The following MON1A variants were observed in gnomAD, a reference collection of about 807,000 sequenced individuals.
MON1A encodes the protein MON1 vesicular trafficking associated A, also known as vacuolar fusion protein MON1 homolog A.
MON1A carries 29 observed loss-of-function variants against 44.6 expected under a neutral mutation model. The observed-to-expected ratio is 0.65, with a 90% CI of 0.48 to 0.89. MON1A has a LOEUF of 0.89. Among genes scored for constraint, MON1A ranks in the 40% least tolerant of loss-of-function variants. The probability of loss-of-function intolerance (pLI) is 0.00; values close to 1 mark genes in which losing one functional copy is unlikely to be tolerated. For missense variants in MON1A, 615 were observed against 759.6 expected, an observed-to-expected ratio of 0.81 and a Z score of 2.24; for synonymous variants, 275 against 316.4, an observed-to-expected ratio of 0.87 and a Z score of 1.39.
chr3:49,916,198 T>G (rs2082941656), intron 1 of MON1A, among the ~76,000 whole-genome samples: 2 of 152,158 alleles, frequency 1.3e-5, no homozygotes, highest in African/African-American at 4.8e-5. Flanking sequence ...GACTCTTCCC[T>G]GGAAGCATGG....
chr3:49,916,594 AAAG>A (rs1225966510), intron 1 of MON1A: 3 of 152,372 alleles, frequency 2.0e-5, no homozygotes, highest in Non-Finnish European at 4.4e-5. Flanking sequence ...AAAACCAAAG[AAAG>A]AAGGTTGGGG....
rs1205307489 is a variant in MON1A, at chr3:49,913,375, A to G, written c.-13-16T>C. 1 of 1,598,996 alleles carries G rather than the reference A, an allele frequency of 6.3e-7. No homozygotes were observed. Among genetic ancestry groups the G allele is most frequent in the South Asian group, 1.1e-5 (1 of 90,336 alleles). Reference sequence around the variant, plus strand: ...TTGAGCTCTCCTGTGGGGCAAACAAATGCAACATCGATGGCTTTTGGCAGG... The same window carrying G: ...TTGAGCTCTCCTGTGGGGCAAACAAGTGCAACATCGATGGCTTTTGGCAGG... On this transcript the variant is annotated splice_polypyrimidine_tract_variant and intron_variant, in intron 1 of 5. Coordinates refer to ENST00000296473, the MANE Select transcript of MON1A (RefSeq NM_032355.4).
rs371106096 is a variant in MON1A, at chr3:49,911,833, C to T, written c.306G>A (p.Thr102=). 91 of 1,614,104 alleles carry T rather than the reference C, an allele frequency of 5.6e-5. No homozygotes were observed. The highest frequency in any genetic ancestry group is 3.3e-4 in the Middle Eastern group (2 of 6,060). The change falls in exon 3 of 6, where the codon ACG becomes ACA. Residue 102 remains threonine (T), a synonymous_variant. Coordinates refer to ENST00000296473, the MANE Select transcript of MON1A (RefSeq NM_032355.4). The surrounding 1 kb of genome is among the most constrained non-coding windows in gnomAD (Gnocchi z 5.7). ...CCTCCTGCAGGTCCCGGGCCACACC[C>T]GTCAGCTGGGTGCTTAGCTCGCTAA... ...QDFSELSTQL[T]GVARDLQEEM...
rs1200786025 is a variant in MON1A, at chr3:49,910,402, G to C, written c.1096C>G (p.Pro366Ala). 1 of 1,614,112 alleles carries C rather than the reference G, an allele frequency of 6.2e-7. No individual in the cohort carries two copies. Reference protein sequence around the residue: ...SSFREGEAWTPVCLPKFNAAG... With the variant: ...SSFREGEAWTAVCLPKFNAAG... ...GCGTTGAATTTGGGCAGGCACACGG[G>C]CGTCCAGGCCTCGCCCTCGCGAAAG... The change falls in exon 4 of 6, where the codon CCC becomes GCC. Residue 366 changes from proline (P) to alanine (A), a missense_variant. Physicochemically the swap from Pro to Ala is conservative, Grantham distance 27. Transcript: ENST00000296473. The surrounding 1 kb of genome is among the most constrained non-coding windows in gnomAD (Gnocchi z 8.0).
At chr3:49,917,708 A>G (rs2082957682) in intron 1 of MON1A, among the ~76,000 whole-genome samples, 1 of 152,068 alleles carries the variant, frequency 6.6e-6, no homozygotes, top group South Asian at 2.1e-4. Context: ...ACTATCAGCA[A>G]ATGACCTTGC....
In MON1A at chr3:49,910,038, C is replaced by G; in HGVS notation, c.1379+81G>C. The G allele has an allele frequency of 6.8e-7, 1 of 1,465,984 alleles. No homozygotes were observed. The highest frequency in any genetic ancestry group is 9.2e-7 in the Non-Finnish European group (1 of 1,089,474). 90.8% of individuals were successfully genotyped at this position (1,465,984 alleles called of 1,614,324 possible). Reference sequence around the variant, plus strand: ...GGTAGGGACAGCTTCAGGGCTACATCTCAGAGCTCAGGACCAAACAGCCTC... The same window carrying G: ...GGTAGGGACAGCTTCAGGGCTACATGTCAGAGCTCAGGACCAAACAGCCTC... On this transcript the variant is annotated intron_variant, in intron 4 of 5. Coordinates refer to ENST00000296473, the MANE Select transcript of MON1A (RefSeq NM_032355.4). The surrounding 1 kb of genome is among the most constrained non-coding windows in gnomAD (Gnocchi z 8.0).
At chr3:49,915,135 A>G (rs1469390617) in intron 1 of MON1A, among the ~76,000 whole-genome samples, 3 of 152,224 alleles carry the variant, frequency 2.0e-5, no homozygotes, top group African/African-American at 7.2e-5. Flanking sequence ...TGTTCCTGTC[A>G]GGCTAGCTTT....
chr3:49,909,130 T>C lies in MON1A; in HGVS notation c.1552A>G (p.Met518Val), dbSNP rs770980054. ...AWVTGAFELY[M>V]CYSPLGTKAS... ...TTGGTCCCCAGGGGGCTGTAACACATGTAGAGCTCAAAGGCGCCTGTCACC... is the reference window on the plus strand; with the variant it reads ...TTGGTCCCCAGGGGGCTGTAACACACGTAGAGCTCAAAGGCGCCTGTCACC... The change falls in exon 6 of 6, where the codon ATG becomes GTG. Residue 518 changes from methionine to valine, a missense_variant. Transcript: ENST00000296473. This position sits in a 1 kb window ranked among gnomAD's most constrained non-coding sequence, Gnocchi z 4.0. The C allele has an allele frequency of 7.5e-5, 121 of 1,612,192 alleles. No individual in the cohort carries two copies. Among genetic ancestry groups the C allele is most frequent in the Middle Eastern group, 1.7e-4 (1 of 6,056 alleles).
rs190831162 is a variant in MON1A, at chr3:49,928,928, C to T, written c.-14+681G>A. ...GCACCAGGCAAACTGGTGCAAAGTC[C>T]GGCCAGGCGCAGTGGCTCATGCCTG... is the stretch of plus-strand genomic sequence containing the variant. On this transcript the variant is annotated intron_variant, in intron 1 of 5. Transcript: ENST00000296473. 3.6e-4 allele frequency among the ~76,000 whole-genome samples: 55 copies of T among 152,246 alleles called. No individual in the cohort carries two copies. The East Asian group carries it at 8.9e-3, about 25-fold the overall frequency.
Position 49,911,672 on chromosome 3 carries a change from T to C in MON1A, c.467A>G (p.Lys156Arg), listed in dbSNP as rs756376099. ...TGCCTCACTCAGCACAAAGACATGC[T>C]TCTGGTGCAGGCGCCATGCCTCCGT... ...DATEAWRLHQ[K>R]HVFVLSEAGK... The change falls in exon 3 of 6, where the codon AAG (lysine) becomes AGG (arginine). Residue 156 changes from lysine (K) to arginine (R), a missense_variant. Transcript: ENST00000296473. This position sits in a 1 kb window ranked among gnomAD's most constrained non-coding sequence, Gnocchi z 5.7. The C allele has an allele frequency of 1.2e-6, 2 of 1,614,144 alleles. No individual in the cohort carries two copies. The highest frequency in any genetic ancestry group is 1.7e-6 in the Non-Finnish European group (2 of 1,180,002).
intron 1 of MON1A, 91 bp downstream of exon 1, chr3:49,929,518 G>A (rs2083076770): frequency 6.3e-6 from 9 of 1,421,658 alleles, no homozygotes; most frequent in Admixed American, 4.0e-5. Context: ...TTGATGGCTG[G>A]AGGCCCCCGT....
In MON1A at chr3:49,929,712, C is replaced by T. The variant is rs766776924; in HGVS notation, c.-117G>A. 1 of 1,550,430 alleles carries T rather than the reference C, an allele frequency of 6.4e-7. No homozygotes were observed. Among genetic ancestry groups the T allele is most frequent in the Admixed American group, 2.0e-5 (1 of 50,932 alleles). Reference sequence around the variant, plus strand: ...TCCGGCCGGGGCCGGCCTGAGGGCACAGCTTCGCGGGGCCCCGGCCCCCTG... The same window carrying T: ...TCCGGCCGGGGCCGGCCTGAGGGCATAGCTTCGCGGGGCCCCGGCCCCCTG... On this transcript the variant is annotated 5_prime_UTR_variant, in exon 1 of 6. It adds an upstream start codon to the 5' untranslated region. Coordinates refer to ENST00000296473, the MANE Select transcript of MON1A (RefSeq NM_032355.4).
Position 49,909,004 on chromosome 3 carries a change from C to A in MON1A, c.*10G>T. ...TGTGTCCAGGAAGGCTGAGCCCGCA[C>A]ACATTCCCATCAATAGGTGAGGGGC... On this transcript the variant is annotated 3_prime_UTR_variant, in exon 6 of 6. Transcript: ENST00000296473. The surrounding 1 kb of genome is among the most constrained non-coding windows in gnomAD (Gnocchi z 4.0). The A allele has an allele frequency of 1.2e-6, 2 of 1,608,732 alleles. No individual in the cohort carries two copies. The highest frequency in any genetic ancestry group is 1.3e-5 in the African/African-American group (1 of 74,952).
chr3:49,924,162 A>G (rs1354492213), intron 1 of MON1A: 1 of 151,968 alleles, frequency 6.6e-6, no homozygotes, highest in Admixed American at 6.6e-5. Flanking sequence ...ATACCAAACC[A>G]TCAGCAAATC....
At chr3:49,929,302 A>G (rs990105025) in intron 1 of MON1A, 1 of 447,964 alleles carries the variant, frequency 2.2e-6, no homozygotes, top group Non-Finnish European at 3.9e-6. Context: ...TTTTGAGAAG[A>G]CTCTACCGGC....
At position 49,911,614 on chromosome 3, in the gene MON1A, C is replaced by G; in HGVS notation, c.525G>C (p.Glu175Asp). 1 of 1,614,170 alleles carries G rather than the reference C, an allele frequency of 6.2e-7. No homozygotes were observed. Among genetic ancestry groups the G allele is most frequent in the Non-Finnish European group, 8.5e-7 (1 of 1,179,994 alleles). The change falls in exon 3 of 6, where the codon GAG (glutamate) becomes GAC (aspartate). Residue 175 changes from glutamate to aspartate, a missense_variant. Transcript: ENST00000296473. This position sits in a 1 kb window ranked among gnomAD's most constrained non-coding sequence, Gnocchi z 5.7. ...GKPVYSRYGS[E>D]EALSSTMGVM... ...CACCCATAGTGCTGGAAAGTGCCTC[C>G]TCAGACCCATAGCGGGAGTACACAG...
At chr3:49,921,625 G>A (rs1442035560) in intron 1 of MON1A, among the ~76,000 whole-genome samples, 2 of 143,588 alleles carry the variant, frequency 1.4e-5, no homozygotes, top group African/African-American at 2.6e-5. Flanking sequence ...AAAATTAGCC[G>A]GGCGTGGTAG....
intron 1 of MON1A, among the ~76,000 whole-genome samples, chr3:49,913,951 T>A (rs1256261072): frequency 2.0e-5 from 3 of 151,754 alleles, no homozygotes; most frequent in African/African-American, 7.3e-5. Flanking sequence ...TGAGACAGGG[T>A]CTCACTCTGT....
chr3:49,921,199 C>T (rs1326618029), intron 1 of MON1A, among the ~76,000 whole-genome samples: 1 of 151,414 alleles, frequency 6.6e-6, no homozygotes, highest in Non-Finnish European at 1.5e-5. Context: ...GCTCTGTCGC[C>T]TGGACTGGAG....
Sources: allele counts gnomAD v4.1 joint callset (sites outside exome capture counted in the v4.1 genomes callset), GRCh38; gene constraint gnomAD v4.1.1; non-coding constraint Gnocchi (gnomAD v3.1); transcripts MANE v1.5; gene names NCBI Gene and HGNC (gene_info 2026-07-23, HGNC 2026-07-21).